Variants in SIN3B observed in about 807,000 individuals in gnomAD.
The protein encoded by SIN3B is SIN3 transcription regulator family member B, also known as paired amphipathic helix protein Sin3b.
A neutral mutation model predicts 120.2 loss-of-function variants in SIN3B; 19 were observed. The observed-to-expected ratio is 0.16, with a 90% CI of 0.11 to 0.23. The LOEUF is 0.23. Among genes scored for constraint, SIN3B ranks in the 10% least tolerant of loss-of-function variants. SIN3B has a pLI of 1.00. For synonymous variants in SIN3B, 654 were observed against 653.2 expected (o/e 1.00, Z -0.02); for missense variants, 1,073 against 1,573.0 (o/e 0.68, Z 5.38).
intron 5 of SIN3B, 68 bp downstream of exon 5, chr19:16,847,181 A>C: frequency 6.5e-7 from 1 of 1,540,900 alleles, no homozygotes; most frequent in Non-Finnish European, 8.8e-7. Flanking sequence ...AGCCAGCTTG[A>C]CCCATGTCCG....
intron 3 of SIN3B, 110 bp downstream of exon 3, chr19:16,831,757 C>T (rs1490029542): frequency 8.5e-6 from 8 of 940,708 alleles, no homozygotes; most frequent in Non-Finnish European, 1.3e-5. Context: ...CACTTAAGAT[C>T]TGTTCTTTTT....
chr19:16,833,201 G>T (rs763060856), intron 3 of SIN3B, among the ~76,000 whole-genome samples: 1 of 152,220 alleles, frequency 6.6e-6, no homozygotes, highest in Admixed American at 6.5e-5. Flanking sequence ...GCACTTGGTA[G>T]GTCTTCTTTG....
chr19:16,849,427 G>A (rs1236395643), intron 5 of SIN3B, among the ~76,000 whole-genome samples: 1 of 152,096 alleles, frequency 6.6e-6, no homozygotes, highest in Non-Finnish European at 1.5e-5. Flanking sequence ...GGTGTGGCCG[G>A]GTACCAACAA....
At chr19:16,875,297 TTGGTCTGGTTTGGGTC>T (rs1382984315) in intron 14 of SIN3B, among the ~76,000 whole-genome samples, 105 of 144,328 alleles carry the variant, frequency 7.3e-4, no homozygotes, top group Non-Finnish European at 1.3e-3. Flanking sequence ...TGGTCTGGTT[TTGGTCTGGTTTGGGTC>T]TGGTCTGGTT....
intron 14 of SIN3B, among the ~76,000 whole-genome samples, chr19:16,875,541 G>A (rs897676070): frequency 7.2e-6 from 1 of 139,360 alleles, no homozygotes; most frequent in Non-Finnish European, 1.5e-5. Context: ...GGTCTGTTTG[G>A]TCTGGTCTGT....
intron 10 of SIN3B, chr19:16,865,180 G>C (rs1233127184): frequency 3.8e-6 from 2 of 524,978 alleles, no homozygotes; most frequent in African/African-American, 3.8e-5. Flanking sequence ...TATATTCCTA[G>C]CTACGTGGGA....
intron 10 of SIN3B, among the ~76,000 whole-genome samples, chr19:16,864,726 C>G (rs1431738934): frequency 6.6e-6 from 1 of 151,306 alleles, no homozygotes; most frequent in Non-Finnish European, 1.5e-5. Flanking sequence ...CACGATGGCT[C>G]ACGCCTGTAA....
chr19:16,840,497 G>C (rs1368228274), intron 3 of SIN3B, among the ~76,000 whole-genome samples: 2 of 152,208 alleles, frequency 1.3e-5, no homozygotes, highest in African/African-American at 4.8e-5. Flanking sequence ...AGCCAGTCTG[G>C]GGTACCTCGT....
At chr19:16,831,351 C>T (rs1175541459) in intron 2 of SIN3B, 143 bp from the exon 3 acceptor site, 2 of 816,916 alleles carry the variant, frequency 2.4e-6, no homozygotes, top group South Asian at 1.7e-5. Context: ...GCATGAGCCA[C>T]TGCGCCTGGT....
rs538385842 is a variant in SIN3B, at chr19:16,865,309, C to G, written c.1384-101C>G. 1.6e-3 allele frequency: 890 copies of G among 544,846 alleles called. 34 individuals carry two copies. The highest frequency in any genetic ancestry group is 0.016 in the African/African-American group (764 of 48,888). The allele number at this position is 544,846 out of a possible 1,614,324, so 33.8% of individuals were successfully genotyped here. A position where few individuals can be genotyped will look rare whatever the true frequency, so the allele number is the denominator to read the frequency against. On this transcript the variant is annotated intron_variant, in intron 10 of 18. Coordinates refer to ENST00000248054, the MANE Select transcript of SIN3B (RefSeq NM_001297595.2). The stretch of plus-strand genomic sequence containing the variant: ...ACCCTATCTCTTAAATACACACACC[C>G]CCCCCCCAAAAAAATCCTCTGGTCT...
intron 12 of SIN3B, 86 bp from the exon 13 acceptor site, chr19:16,869,374 C>T: frequency 6.8e-7 from 1 of 1,469,314 alleles, no homozygotes; most frequent in Non-Finnish European, 9.1e-7. Flanking sequence ...CTTGGTGGCC[C>T]AGTTAACAGC....
In SIN3B at chr19:16,876,620, C is replaced by T. The variant is rs375784384; in HGVS notation, c.2859+42C>T. 5.3e-4 allele frequency: 803 copies of T among 1,507,410 alleles called. 2 individuals carry two copies. The African/African-American group carries it at 0.01, about 19-fold the overall frequency. 93.4% of individuals were successfully genotyped at this position (1,507,410 alleles called of 1,614,324 possible). A position where few individuals can be genotyped will look rare whatever the true frequency, so the allele number is the denominator to read the frequency against. On this transcript the variant is annotated intron_variant, in intron 16 of 18. Coordinates refer to ENST00000248054, the MANE Select transcript of SIN3B (RefSeq NM_001297595.2). This position sits in a 1 kb window ranked among gnomAD's most constrained non-coding sequence, Gnocchi z 7.1. ...AGTCTGTGCCACGCATACCAGGGAGCGCCTGAGGGCAGCAGCATGGGGCTC... is the reference window on the plus strand; with the variant it reads ...AGTCTGTGCCACGCATACCAGGGAGTGCCTGAGGGCAGCAGCATGGGGCTC...
rs1195226542 is a variant in SIN3B at position 16,869,622 on chromosome 19, C to T, written c.1969C>T (p.Gln657Ter). 1 of 1,613,512 alleles carries T rather than the reference C, an allele frequency of 6.2e-7. No homozygotes were observed. ...GAAGGAGGACCAGGGCACCATCCAC[C>T]AGCTGCTGCACCAGTTCGTGCCCAG... ...IQKEDQGTIH[Q>*]LLHQFVPSLF... The change falls in exon 13 of 19, where the codon CAG becomes TAG. Residue 657 changes from glutamine to a stop codon, truncating the protein, a stop_gained. Transcript: ENST00000248054. LOFTEE classifies it high-confidence loss of function.
At chr19:16,829,620 C>T in intron 1 of SIN3B, 80 bp downstream of exon 1, 2 of 1,204,562 alleles carry the variant, frequency 1.7e-6, no homozygotes, top group East Asian at 3.2e-5. Context: ...AGGCCCCGCC[C>T]GGCCCCAGCC....
intron 3 of SIN3B, among the ~76,000 whole-genome samples, chr19:16,840,024 C>T (rs778775735): frequency 8.6e-5 from 13 of 152,030 alleles, no homozygotes; most frequent in Non-Finnish European, 8.8e-5. Flanking sequence ...GAACAAATCC[C>T]GCCACCAAGG....
At chr19:16,829,750 T>TC in intron 1 of SIN3B, 41 bp from the exon 2 acceptor site, 1 of 1,544,232 alleles carries the variant, frequency 6.5e-7, no homozygotes. Context: ...GTCCCCTCGT[T>TC]CCGCGGCCAG....
At chr19:16,845,957 G>C (rs1304357652) in intron 4 of SIN3B, among the ~76,000 whole-genome samples, 1 of 151,986 alleles carries the variant, frequency 6.6e-6, no homozygotes, top group African/African-American at 2.4e-5. Flanking sequence ...ATTTTTTGTA[G>C]CGATAGGGTC....
chr19:16,847,756 G>T (rs2144590665), intron 5 of SIN3B, among the ~76,000 whole-genome samples: 1 of 152,274 alleles, frequency 6.6e-6, no homozygotes, highest in East Asian at 1.9e-4. Flanking sequence ...AAATTGAAGT[G>T]AAATTTATGT....
intron 8 of SIN3B, among the ~76,000 whole-genome samples, chr19:16,858,182 G>A (rs1971641706): frequency 6.6e-6 from 1 of 151,938 alleles, no homozygotes; most frequent in Admixed American, 6.6e-5. Flanking sequence ...CAGGCCCTGG[G>A]TTTTGTTTTC....
Sources: gnomAD v4.1 joint callset for allele counts (sites outside exome capture counted in the v4.1 genomes callset) on GRCh38, gnomAD v4.1.1 for gene constraint, Gnocchi (gnomAD v3.1) non-coding constraint, MANE v1.5 for transcripts, NCBI Gene and HGNC (gene_info 2026-07-23, HGNC 2026-07-21) for gene names.